TENM2: variants seen among roughly 807,000 people sequenced by gnomAD.
TENM2 encodes teneurin-2.
Under a neutral mutation model 245.2 loss-of-function variants are expected in TENM2, and 52 were observed. That is an observed-to-expected ratio of 0.21 (90% confidence interval 0.17 to 0.27). The LOEUF is 0.27. Ranked by LOEUF, TENM2 falls within the 10% of genes least tolerant of loss-of-function variation. The pLI is 1.00. For synonymous variants in TENM2, 1,363 were observed against 1,438.9 expected (o/e 0.95, Z 1.19); for missense variants, 3,046 against 3,666.8 (o/e 0.83, Z 4.37).
Position 167,822,026 on chromosome 5 carries a change from ATTTTG to A in TENM2, c.503-53935_503-53931del, listed in dbSNP as rs201426886. Among the ~76,000 whole-genome samples the A allele has an allele frequency of 7.8e-3, 1,191 of 151,814 alleles. 5 individuals carry two copies. Among genetic ancestry groups the A allele is most frequent in the Admixed American group, 0.011 (164 of 15,226 alleles). ...AGGGTTTTTGTTTGTTTGTTTTTTC[ATTTTG>A]TTTTGTTTTGTTTTGTTTTGTTTTA... is the stretch of plus-strand genomic sequence containing the variant. On this transcript the variant is annotated intron_variant, in intron 2 of 28. Coordinates refer to ENST00000518659, the Ensembl canonical transcript of TENM2.
At chr5:167,519,687 G>T (rs1445611294) in intron 2 of TENM2, among the ~76,000 whole-genome samples, 1 of 152,092 alleles carries the variant, frequency 6.6e-6, no homozygotes, top group African/African-American at 2.4e-5. Flanking sequence ...CTAAGAGAAG[G>T]CTATGGAGAT....
intron 2 of TENM2, among the ~76,000 whole-genome samples, chr5:167,680,384 G>A (rs766416010): frequency 5.9e-5 from 9 of 152,022 alleles, no homozygotes; most frequent in Non-Finnish European, 1.3e-4. Context: ...AAGACTGGGG[G>A]CAAATGAAGG....
upstream of TENM2, among the ~76,000 whole-genome samples, chr5:167,281,992 C>T (rs1771092477): frequency 1.4e-5 from 1 of 70,098 alleles, no homozygotes; most frequent in Non-Finnish European, 2.5e-5. Flanking sequence ...AAGAGCAAAA[C>T]TCCATCTCAA....
At chr5:167,865,093 T>C (rs1772188826) in intron 2 of TENM2, among the ~76,000 whole-genome samples, 1 of 152,160 alleles carries the variant, frequency 6.6e-6, no homozygotes, top group Non-Finnish European at 1.5e-5. Flanking sequence ...AGAAAACAGC[T>C]CAATGTATCT....
At chr5:167,769,063 T>C (rs2150753803) in intron 2 of TENM2, among the ~76,000 whole-genome samples, 1 of 152,346 alleles carries the variant, frequency 6.6e-6, no homozygotes, top group East Asian at 1.9e-4. Context: ...AATCTCCTTT[T>C]TAAAAAGGTA....
At chr5:168,096,608 G>A (rs1448553446) in intron 8 of TENM2, among the ~76,000 whole-genome samples, 4 of 152,168 alleles carry the variant, frequency 2.6e-5, no homozygotes, top group South Asian at 2.1e-4. Flanking sequence ...TGTGTGATTC[G>A]AAGTTTCAAT....
chr5:167,240,293 C>G, the TENM2 span, among the ~76,000 whole-genome samples: 1 of 151,056 alleles, frequency 6.6e-6, no homozygotes, highest in Middle Eastern at 3.4e-3. Context: ...CGTGTTTATA[C>G]TGATTCTTTC....
At chr5:167,739,739 G>A (rs1761045855) in intron 2 of TENM2, among the ~76,000 whole-genome samples, 1 of 152,146 alleles carries the variant, frequency 6.6e-6, no homozygotes, top group Non-Finnish European at 1.5e-5. Context: ...TACCAAACTG[G>A]TGAAATCCCA....
At chr5:168,125,131 A>T in intron 11 of TENM2, 81 bp downstream of exon 13, 1 of 1,190,282 alleles carries the variant, frequency 8.4e-7, no homozygotes, top group Admixed American at 2.1e-5. Flanking sequence ...ATGGGAATCT[A>T]CTCTTAATAC....
chr5:167,313,729 T>C (rs1756183657), intron 1 of TENM2, among the ~76,000 whole-genome samples: 1 of 152,220 alleles, frequency 6.6e-6, no homozygotes, highest in South Asian at 2.1e-4. Flanking sequence ...ATTCACTCTA[T>C]CTCTGCCTCT....
intron 2 of TENM2, among the ~76,000 whole-genome samples, chr5:167,642,628 A>T (rs975608442): frequency 9.2e-5 from 14 of 152,348 alleles, no homozygotes; most frequent in Admixed American, 3.9e-4. Context: ...CTTGTGAAGT[A>T]TAATACAAGC....
chr5:168,183,030 C>T (rs1226921809), intron 13 of TENM2, among the ~76,000 whole-genome samples: 1 of 151,976 alleles, frequency 6.6e-6, no homozygotes. Context: ...TGGGGTTTCA[C>T]CATGTTGGCC....
intron 2 of TENM2, among the ~76,000 whole-genome samples, chr5:167,622,197 T>C (rs1441742887): frequency 6.6e-6 from 1 of 152,156 alleles, no homozygotes; most frequent in African/African-American, 2.4e-5. Flanking sequence ...TTTGATTTTA[T>C]TATCAAAAAG....
In TENM2 at chr5:167,967,388, C is replaced by T. The variant is rs369600393; in HGVS notation, c.947+14566C>T. Among the ~76,000 whole-genome samples the T allele has an allele frequency of 7.2e-5, 11 of 152,234 alleles. No homozygotes were observed. The East Asian group carries it at 1.2e-3, about 16-fold the overall frequency. On this transcript the variant is annotated intron_variant, in intron 4 of 28. Transcript: ENST00000518659. ...AGAAAATAAATAAAGTGTTGTGGCA[C>T]GTGTGCAAATTACAAGGTGCATTAA...
chr5:168,227,754 T>C lies in TENM2; in HGVS notation c.5285-141T>C, dbSNP rs1039378949. The C allele has an allele frequency of 1.5e-5, 9 of 585,360 alleles. No homozygotes were observed. The African/African-American group carries it at 1.7e-4, about 11-fold the overall frequency. The allele number at this position is 585,360 out of a possible 1,614,324, so 36.3% of individuals were successfully genotyped here. ...CTTACCTTCACATGGTATGTATGTGTGCTAATTGAAGGCAGCCTTCGACTA... is the reference window on the plus strand; with the variant it reads ...CTTACCTTCACATGGTATGTATGTGCGCTAATTGAAGGCAGCCTTCGACTA... On this transcript the variant is annotated intron_variant, in intron 24 of 28. Coordinates refer to ENST00000518659, the Ensembl canonical transcript of TENM2.
intron 1 of TENM2, among the ~76,000 whole-genome samples, chr5:167,327,890 G>T (rs1305689296): frequency 2.0e-5 from 3 of 152,144 alleles, no homozygotes; most frequent in African/African-American, 7.2e-5. Flanking sequence ...TCTGCAAAAC[G>T]AATTGACTCT....
intron 2 of TENM2, among the ~76,000 whole-genome samples, chr5:167,638,745 T>C (rs1327679567): frequency 1.3e-5 from 2 of 152,226 alleles, no homozygotes; most frequent in South Asian, 2.1e-4. Context: ...TACACACAAC[T>C]TCTCATCACA....
the TENM2 span, among the ~76,000 whole-genome samples, chr5:167,008,253 GTGTT>G: frequency 2.8e-5 from 4 of 142,688 alleles, no homozygotes; most frequent in East Asian, 1.9e-4. Context: ...CATATGACTG[GTGTT>G]TGTTTGTTTT....
At chr5:167,888,119 G>A (rs761448195) in intron 3 of TENM2, among the ~76,000 whole-genome samples, 1 of 152,118 alleles carries the variant, frequency 6.6e-6, no homozygotes, top group African/African-American at 2.4e-5. Context: ...TCCAAATAAG[G>A]TCACATTCCC....
Sources: allele counts gnomAD v4.1 joint callset (sites outside exome capture counted in the v4.1 genomes callset), GRCh38; gene constraint gnomAD v4.1.1; transcripts MANE v1.5; gene names NCBI Gene and HGNC (gene_info 2026-07-23, HGNC 2026-07-21).